IFT81: variants seen among roughly 807,000 people sequenced by gnomAD.
The protein encoded by IFT81 is intraflagellar transport protein 81 homolog.
IFT81 carries 72 observed loss-of-function variants against 102.6 expected under a neutral mutation model. The ratio of observed to expected loss-of-function variants is 0.70; its 90% confidence interval spans 0.58 to 0.85. The LOEUF (loss-of-function observed/expected upper bound fraction) is 0.85, where lower values mean the gene tolerates loss of function less well. IFT81 is among the 40% of genes least tolerant of loss of function. The pLI is 0.00. For missense variants in IFT81, 723 were observed against 787.3 expected, an observed-to-expected ratio of 0.92 and a Z score of 0.98; for synonymous variants, 237 against 242.7, an observed-to-expected ratio of 0.98 and a Z score of 0.22.
intron 10 of IFT81, among the ~76,000 whole-genome samples, chr12:110,148,856 A>C (rs1895368087): frequency 6.6e-6 from 1 of 152,186 alleles, no homozygotes. Context: ...GGCAGGGTAC[A>C]TGCTTTGTTT....
chr12:110,125,691 G>A (rs934377958), intron 1 of IFT81, among the ~76,000 whole-genome samples: 13 of 152,186 alleles, frequency 8.5e-5, no homozygotes, highest in Admixed American at 5.2e-4. Context: ...GACAGCTCCC[G>A]GCAGCAACTC....
intron 10 of IFT81, chr12:110,162,440 G>A (rs11065239): frequency 0.2 from 29,292 of 149,700 alleles, 3,155 homozygotes; most frequent in Admixed American, 0.29. Flanking sequence ...GGGTTCAAGC[G>A]ATTCTCCTGC....
chr12:110,193,919 C>G (rs989716849), intron 14 of IFT81, among the ~76,000 whole-genome samples: 3 of 152,120 alleles, frequency 2.0e-5, no homozygotes, highest in Non-Finnish European at 2.9e-5. Flanking sequence ...GCTCATGGTT[C>G]TACAGGCTAT....
chr12:110,173,522 G>C (rs1896886519), intron 11 of IFT81, among the ~76,000 whole-genome samples: 1 of 152,250 alleles, frequency 6.6e-6, no homozygotes, highest in African/African-American at 2.4e-5. Context: ...GGAATAGAAA[G>C]CGGGGAAAGG....
At chr12:110,196,284 G>A (rs1028482300) in intron 14 of IFT81, among the ~76,000 whole-genome samples, 28 of 152,042 alleles carry the variant, frequency 1.8e-4, no homozygotes, top group Admixed American at 1.7e-3. Flanking sequence ...TTTGGGAGGC[G>A]AAGGCGGGTG....
intron 11 of IFT81, among the ~76,000 whole-genome samples, chr12:110,176,687 T>C (rs1897048607): frequency 6.6e-6 from 1 of 152,242 alleles, no homozygotes; most frequent in South Asian, 2.1e-4. Flanking sequence ...GTAGAGCCCT[T>C]AGAATGCTTT....
chr12:110,164,841 C>G (rs575625442), intron 11 of IFT81, among the ~76,000 whole-genome samples: 1 of 152,228 alleles, frequency 6.6e-6, no homozygotes, highest in African/African-American at 2.4e-5. Context: ...AATAAAAGAT[C>G]AATTATGCAG....
intron 4 of IFT81, among the ~76,000 whole-genome samples, chr12:110,130,550 A>G (rs1287669336): frequency 4.0e-5 from 6 of 151,870 alleles, no homozygotes; most frequent in East Asian, 3.9e-4. Flanking sequence ...TTGTATTTTT[A>G]GCAGAGATGG....
chr12:110,184,497 G>A (rs575589519), intron 12 of IFT81, among the ~76,000 whole-genome samples: 19 of 152,212 alleles, frequency 1.2e-4, no homozygotes, highest in East Asian at 3.9e-4. Context: ...ACATTACACC[G>A]TCTAGTGCAT....
intron 1 of IFT81, among the ~76,000 whole-genome samples, chr12:110,126,132 G>A (rs559733663): frequency 6.8e-4 from 103 of 152,268 alleles, no homozygotes; most frequent in African/African-American, 2.0e-3. Context: ...CAAAAAATTA[G>A]CCAGGCGTGC....
At chr12:110,205,323 T>C in intron 15 of IFT81, 120 bp from the exon 16 acceptor site, 1 of 1,116,862 alleles carries the variant, frequency 9.0e-7, no homozygotes. Flanking sequence ...TAAACAAAGT[T>C]AAAATTGCAG....
rs75264112 is a variant in IFT81, at chr12:110,178,330, CTTGA to C, written c.1189-2091_1189-2088del. On this transcript the variant is annotated intron_variant, in intron 11 of 18. Transcript: ENST00000242591. The stretch of plus-strand genomic sequence containing the variant: ...TTGGGAGGCTGAGGCAGGAGATTTG[CTTGA>C]ACCTGTGAGGTGGAGGTTGCAGTGA... Among the ~76,000 whole-genome samples the C allele has an allele frequency of 2.2e-3, 329 of 150,704 alleles. 2 individuals are homozygous for C. Among genetic ancestry groups the C allele is most frequent in the Non-Finnish European group, 3.6e-3 (247 of 67,832 alleles).
chr12:110,211,719 C>T (rs142971208), intron 18 of IFT81, among the ~76,000 whole-genome samples: 1,539 of 151,978 alleles, frequency 0.01, 29 homozygotes, highest in Middle Eastern at 0.044. Flanking sequence ...GTTGCCCAGG[C>T]TGGTCTCAAA....
intron 11 of IFT81, among the ~76,000 whole-genome samples, chr12:110,179,846 T>C (rs1260991877): frequency 1.4e-5 from 2 of 142,854 alleles, no homozygotes; most frequent in Non-Finnish European, 3.0e-5. Flanking sequence ...ACACATAATA[T>C]ATATATATAA....
At chr12:110,179,744 A>ATG (rs1244458415) in intron 11 of IFT81, among the ~76,000 whole-genome samples, 14 of 37,888 alleles carry the variant, frequency 3.7e-4, no homozygotes, top group African/African-American at 2.8e-3. Flanking sequence ...ATATATATAT[A>ATG]TATATATATA....
chr12:110,135,365 A>T lies in IFT81; in HGVS notation c.624A>T (p.Ile208=). Residue 208 remains isoleucine (I), a synonymous_variant, in exon 7 of 19, where the codon ATA becomes ATT. Transcript: ENST00000242591. ...TAQNHQWMLK[I]ARQLRVEKER... ...AGAATCATCAATGGATGCTTAAAAT[A>T]GCAAGGCAACTTCGAGTTGAAAAAG... 3.7e-6 allele frequency: 6 copies of T among 1,613,544 alleles called. No individual in the cohort carries two copies. The highest frequency in any genetic ancestry group is 4.2e-6 in the Non-Finnish European group (5 of 1,179,658).
chr12:110,192,680 C>A lies in IFT81; in HGVS notation c.1531C>A (p.Leu511Ile). ...AGCTCTTGCCTCAGTTATAAAAGAG[C>A]TACGACAGTTGCGTCAAAAATATCA... ...KSALASVIKE[L>I]RQLRQKYQEL... Residue 511 changes from leucine to isoleucine, a missense_variant, in exon 14 of 19, where the codon CTA becomes ATA. Transcript: ENST00000242591. 6.3e-7 allele frequency: 1 copy of A among 1,585,784 alleles called. No homozygotes were observed. Among genetic ancestry groups the A allele is most frequent in the Non-Finnish European group, 8.6e-7 (1 of 1,165,486 alleles).
At chr12:110,212,821 G>A (rs1869629303) in intron 18 of IFT81, among the ~76,000 whole-genome samples, 1 of 151,540 alleles carries the variant, frequency 6.6e-6, no homozygotes, top group Admixed American at 6.6e-5. Flanking sequence ...TGGGAAACAA[G>A]AGCAAAACTC....
intron 10 of IFT81, among the ~76,000 whole-genome samples, chr12:110,156,712 G>T (rs1895858280): frequency 6.6e-6 from 1 of 152,092 alleles, no homozygotes; most frequent in Non-Finnish European, 1.5e-5. Flanking sequence ...GGCCAGGCTG[G>T]TCTAGAACTC....
Sources: gnomAD v4.1 joint callset for allele counts (sites outside exome capture counted in the v4.1 genomes callset) on GRCh38, gnomAD v4.1.1 for gene constraint, MANE v1.5 for transcripts, NCBI Gene and HGNC (gene_info 2026-07-23, HGNC 2026-07-21) for gene names.